PRDM9: variants seen among roughly 807,000 people sequenced by gnomAD.
The protein encoded by PRDM9 is PR/SET domain 9, also known as histone-lysine N-methyltransferase PRDM9.
In PRDM9, 47 loss-of-function variants were observed where a neutral mutation model predicts 55.6. The ratio of observed to expected loss-of-function variants is 0.85; its 90% CI spans 0.67 to 1.08. PRDM9 has a LOEUF of 1.08. Among genes scored for constraint, PRDM9 ranks in the 50% least tolerant of loss-of-function variants. The pLI is 0.00. For synonymous variants in PRDM9, 312 were observed against 375.7 expected (o/e 0.83, Z 1.96); for missense variants, 867 against 1,040.3 (o/e 0.83, Z 2.29).
rs1349068530 is a variant in PRDM9, at chr5:23,509,932, C to G, written c.206C>G (p.Thr69Ser). The stretch of plus-strand genomic sequence containing the variant: ...TGCTTCTTTTCAGGTCTCAGAGCCA[C>G]TCGACCAGCTTTCATGTGTCACCGA... ...NALITIGLRA[T>S]RPAFMCHRRQ... Residue 69 changes from threonine (T) to serine (S), a missense_variant, in exon 4 of 11, where the codon ACT (threonine) becomes AGT (serine). By Grantham distance (58) the Thr-to-Ser change is moderately conservative. Transcript: ENST00000296682. The G allele has an allele frequency of 6.2e-7, 1 of 1,614,074 alleles. No individual in the cohort carries two copies. The highest frequency in any genetic ancestry group is 8.5e-7 in the Non-Finnish European group (1 of 1,180,012).
intron 4 of PRDM9, among the ~76,000 whole-genome samples, chr5:23,510,990 T>TA (rs879556929): frequency 2.7e-3 from 376 of 138,102 alleles, no homozygotes; most frequent in Admixed American, 2.8e-3. Flanking sequence ...CACTAAAAAT[T>TA]AAAAAAAAAA....
chr5:23,508,889 A>G, intron 1 of PRDM9, 61 bp from the exon 2 acceptor site: 1 of 919,626 alleles, frequency 1.1e-6, no homozygotes, highest in Middle Eastern at 3.2e-4. Context: ...GAGAAGACAG[A>G]GCCTGGTTCT....
chr5:23,524,366 A>T lies in PRDM9; in HGVS notation c.983A>T (p.Gln328Leu). 1 of 1,614,058 alleles carries T rather than the reference A, an allele frequency of 6.2e-7. No homozygotes were observed. Among genetic ancestry groups the T allele is most frequent in the South Asian group, 1.1e-5 (1 of 91,082 alleles). ...YVNCARDDEEQNLVAFQYHRQ... is the reference protein window; with the variant it reads ...YVNCARDDEELNLVAFQYHRQ... ...AACTGTGCCCGGGATGATGAAGAGC[A>T]GAACCTGGTGGCCTTCCAGTACCAC... The change falls in exon 10 of 11, where the codon CAG becomes CTG. Residue 328 changes from glutamine (Q) to leucine (L), a missense_variant. Physicochemically the swap from Gln to Leu is moderately radical, Grantham distance 113. Transcript: ENST00000296682.
intron 5 of PRDM9, 86 bp from the exon 6 acceptor site, chr5:23,520,937 G>C (rs1739314796): frequency 1.4e-6 from 2 of 1,458,114 alleles, no homozygotes. Flanking sequence ...ACATTAACTA[G>C]AGTCATGCAT....
intron 6 of PRDM9, among the ~76,000 whole-genome samples, chr5:23,521,394 G>C (rs1490587293): frequency 6.6e-6 from 1 of 152,190 alleles, no homozygotes; most frequent in Non-Finnish European, 1.5e-5. Flanking sequence ...CTGGAGTGCA[G>C]TGGCGCAATC....
At chr5:23,521,371 T>C (rs559252845) in intron 6 of PRDM9, among the ~76,000 whole-genome samples, 192 bp downstream of exon 6, 1 of 152,330 alleles carries the variant, frequency 6.6e-6, no homozygotes, top group East Asian at 1.9e-4. Flanking sequence ...AGAGTCTCAC[T>C]CTGTTGCCCA....
At chr5:23,525,066 G>C (rs1251303764) in intron 10 of PRDM9, among the ~76,000 whole-genome samples, 1 of 152,204 alleles carries the variant, frequency 6.6e-6, no homozygotes, top group African/African-American at 2.4e-5. Flanking sequence ...ACAGTGATTA[G>C]TGCTTTGAAG....
intron 5 of PRDM9, among the ~76,000 whole-genome samples, chr5:23,519,742 A>G (rs1479810207): frequency 6.6e-6 from 1 of 152,064 alleles, no homozygotes; most frequent in Admixed American, 6.5e-5. Context: ...TTTCATGTTC[A>G]CTACAATATT....
intron 4 of PRDM9, among the ~76,000 whole-genome samples, chr5:23,517,025 C>G (rs1354735889): frequency 6.7e-6 from 1 of 150,180 alleles, no homozygotes; most frequent in African/African-American, 2.4e-5. Flanking sequence ...TGGTGGTGGG[C>G]GCCTGTAGTC....
chr5:23,509,581 C>A lies in PRDM9; in HGVS notation c.181C>A (p.Leu61Met). 1.2e-6 allele frequency: 2 copies of A among 1,614,182 alleles called. No homozygotes were observed. The highest frequency in any genetic ancestry group is 1.7e-6 in the Non-Finnish European group (2 of 1,180,030). Reference sequence around the variant, plus strand: ...GAATGTGAAAAGGAACTATAATGCACTGATTACTATAGGTAACAGGAAGTG... The same window carrying A: ...GAATGTGAAAAGGAACTATAATGCAATGATTACTATAGGTAACAGGAAGTG... ...YRNVKRNYNA[L>M]ITIGLRATRP... The change falls in exon 3 of 11, where the codon CTG (leucine) becomes ATG (methionine). Residue 61 changes from leucine to methionine, a missense_variant. Leu to Met is a conservative substitution (Grantham distance 15). This residue lies in a region of PRDM9 where 662 missense variants were observed against 711.9 expected (regional missense o/e 0.93). Transcript: ENST00000296682.
At chr5:23,525,518 A>T (rs564037375) in intron 10 of PRDM9, among the ~76,000 whole-genome samples, 1 of 152,342 alleles carries the variant, frequency 6.6e-6, no homozygotes, top group South Asian at 2.1e-4. Context: ...CTGAAATGGA[A>T]TCTATGCACC....
rs775410752 is a variant in PRDM9, at chr5:23,509,081, G to C, written c.48G>C (p.Glu16Asp). ...AGGAGAGCCCAGAAGAAGACACAGA[G>C]AGAACAGAGCGGAAGCCCATGGTGA... ...SQEESPEEDTERTERKPMVKD... is the reference protein window; with the variant it reads ...SQEESPEEDTDRTERKPMVKD... The change falls in exon 2 of 11, where the codon GAG (glutamate) becomes GAC (aspartate). Residue 16 changes from glutamate (E) to aspartate (D), a missense_variant. Physicochemically the swap from Glu to Asp is conservative, Grantham distance 45 (BLOSUM62 2). Coordinates refer to ENST00000296682, the MANE Select transcript of PRDM9 (RefSeq NM_020227.4). 6.2e-6 allele frequency: 10 copies of C among 1,614,014 alleles called. No homozygotes were observed. The highest frequency in any genetic ancestry group is 8.5e-6 in the Non-Finnish European group (10 of 1,180,010).
In PRDM9 at chr5:23,527,798, C is replaced by A; in HGVS notation, c.*25C>A. Reference sequence around the variant, plus strand: ...AGTCATTAGTAATAAAACCTCATCTCAATAGCCACAAAAAGACAAATGTGG... The same window carrying A: ...AGTCATTAGTAATAAAACCTCATCTAAATAGCCACAAAAAGACAAATGTGG... On this transcript the variant is annotated 3_prime_UTR_variant, in exon 11 of 11. Transcript: ENST00000296682. 2 of 1,613,720 alleles carry A rather than the reference C, an allele frequency of 1.2e-6. No individual in the cohort carries two copies. The highest frequency in any genetic ancestry group is 1.7e-6 in the Non-Finnish European group (2 of 1,179,730).
intron 5 of PRDM9, 84 bp downstream of exon 5, chr5:23,518,014 C>A: frequency 1.6e-6 from 2 of 1,257,846 alleles, no homozygotes; most frequent in Non-Finnish European, 2.3e-6. Context: ...TACAGACTAT[C>A]ATAGGAACTA....
At position 23,524,538 on chromosome 5, in the gene PRDM9, CT is replaced by C. The variant is rs757170144; in HGVS notation, c.1144+12del. On this transcript the variant is annotated intron_variant, in intron 10 of 10. Transcript: ENST00000296682. ...TCATGGCAGGGAGAGGTAGGCATCA[CT>C]ATTACTCTTTTAAAAGGACAGGAAA... 13 of 1,613,416 alleles carry C rather than the reference CT, an allele frequency of 8.1e-6. No individual in the cohort carries two copies. In the African/African-American group the frequency reaches 1.7e-4, roughly 22 times the overall value.
intron 4 of PRDM9, among the ~76,000 whole-genome samples, chr5:23,511,621 C>T (rs1030110610): frequency 6.6e-6 from 1 of 152,154 alleles, no homozygotes; most frequent in Admixed American, 6.6e-5. Flanking sequence ...GCTGGAATTA[C>T]AGACATGAGC....
intron 4 of PRDM9, among the ~76,000 whole-genome samples, chr5:23,510,736 A>G (rs545536872): frequency 1.3e-5 from 2 of 151,882 alleles, no homozygotes; most frequent in South Asian, 2.1e-4. Flanking sequence ...CAGTGGTGCA[A>G]TCATAACTCA....
At chr5:23,522,984 T>A in intron 8 of PRDM9, 99 bp downstream of exon 8, 2 of 1,589,434 alleles carry the variant, frequency 1.3e-6, no homozygotes, top group Non-Finnish European at 8.6e-7. Context: ...TAGGTAAGGA[T>A]AACATGGTTA....
chr5:23,523,021 T>C, intron 8 of PRDM9, 136 bp downstream of exon 8: 1 of 1,487,240 alleles, frequency 6.7e-7, no homozygotes, highest in Non-Finnish European at 9.4e-7. Flanking sequence ...GTTCTTTGCA[T>C]GAACACGGAA....
Sources: gnomAD v4.1 joint callset for allele counts (sites outside exome capture counted in the v4.1 genomes callset) on GRCh38, gnomAD v4.1.1 for gene constraint, gnomAD v4.1.1 regional missense constraint, MANE v1.5 for transcripts, NCBI Gene and HGNC (gene_info 2026-07-23, HGNC 2026-07-21) for gene names.